The following ALDH1A3 variants were observed in gnomAD, a reference collection of about 807,000 sequenced individuals.
The protein encoded by ALDH1A3 is aldehyde dehydrogenase 1 family member A3, also known as retinaldehyde dehydrogenase 3.
A neutral mutation model predicts 57.5 loss-of-function variants in ALDH1A3; 28 were observed. The observed-to-expected ratio is 0.49, with a 90% CI of 0.36 to 0.67. The LOEUF (loss-of-function observed/expected upper bound fraction) is 0.67, where lower values mean the gene tolerates loss of function less well. Among genes scored for constraint, ALDH1A3 ranks in the 30% least tolerant of loss-of-function variants. ALDH1A3 has a pLI of 0.00. For missense variants in ALDH1A3, 507 were observed against 669.4 expected, an observed-to-expected ratio of 0.76 and a Z score of 2.68; for synonymous variants, 281 against 264.8, an observed-to-expected ratio of 1.06 and a Z score of -0.59.
In ALDH1A3 at chr15:100,895,679, T is replaced by C. The variant is rs1011766767; in HGVS notation, c.667-254T>C. 1.6e-5 allele frequency: 9 copies of C among 546,342 alleles called. No individual in the cohort carries two copies. The Middle Eastern group carries it at 1.5e-3, about 89-fold the overall frequency. 33.8% of individuals were successfully genotyped at this position (546,342 alleles called of 1,614,324 possible). ...ATTTGCACTGCATATCACTTTGGGA[T>C]GGGGTCCCCCCCCAGAAGGAGAAGT... On this transcript the variant is annotated intron_variant, in intron 6 of 12. Coordinates refer to ENST00000329841, the MANE Select transcript of ALDH1A3 (RefSeq NM_000693.4).
In ALDH1A3 at chr15:100,887,530, G is replaced by C. The variant is rs139297912; in HGVS notation, c.205-42G>C. ...AAGATGACACCCAAACTGCAGTCAC[G>C]TCAAAAGATGACAGTCTCTCTCTGT... On this transcript the variant is annotated intron_variant, in intron 2 of 12. Transcript: ENST00000329841. The surrounding 1 kb of genome is among the most constrained non-coding windows in gnomAD (Gnocchi z 4.6). The C allele has an allele frequency of 4.1e-5, 62 of 1,494,336 alleles. No individual in the cohort carries two copies. Among genetic ancestry groups the C allele is most frequent in the Middle Eastern group, 3.7e-4 (2 of 5,462 alleles). The allele number at this position is 1,494,336 out of a possible 1,614,324, so 92.6% of individuals were successfully genotyped here. A position where few individuals can be genotyped will look rare whatever the true frequency, so the allele number is the denominator to read the frequency against.
chr15:100,892,329 C>T (rs2041658582), intron 3 of ALDH1A3, 181 bp from the exon 4 acceptor site: 3 of 777,492 alleles, frequency 3.9e-6, no homozygotes, highest in African/African-American at 1.8e-5. Flanking sequence ...AATCCTCACA[C>T]TCAGAGACAG....
chr15:100,912,312 A>T (rs2041889347), intron 12 of ALDH1A3, among the ~76,000 whole-genome samples: 1 of 152,244 alleles, frequency 6.6e-6, no homozygotes, highest in Admixed American at 6.5e-5. Flanking sequence ...CACCATTTTC[A>T]CACTTATTGG....
chr15:100,900,895 TAGAAACTGATCAGAA>T, intron 9 of ALDH1A3, 136 bp downstream of exon 9: 1 of 973,142 alleles, frequency 1.0e-6, no homozygotes, highest in East Asian at 2.6e-5. Flanking sequence ...TTCTTTTCTT[TAGAAACTGATCAGAA>T]ACACAATCCT....
At chr15:100,886,214 C>G (rs1002160690) in intron 2 of ALDH1A3, among the ~76,000 whole-genome samples, 1 of 152,190 alleles carries the variant, frequency 6.6e-6, no homozygotes, top group African/African-American at 2.4e-5. Context: ...CCTATACAGA[C>G]CCCCCTCTGT....
Position 100,892,907 on chromosome 15 carries a change from G to A in ALDH1A3, c.476-38G>A, listed in dbSNP as rs759235011. On this transcript the variant is annotated intron_variant, in intron 4 of 12. Coordinates refer to ENST00000329841, the MANE Select transcript of ALDH1A3 (RefSeq NM_000693.4). Reference sequence around the variant, plus strand: ...ACTTGAAGTTCCTAACCTGGACTAAGTGAGTGTGTCCTTCCCCACCATGTA... The same window carrying A: ...ACTTGAAGTTCCTAACCTGGACTAAATGAGTGTGTCCTTCCCCACCATGTA... The A allele has an allele frequency of 1.2e-5, 20 of 1,606,670 alleles. No homozygotes were observed. The East Asian group carries it at 4.5e-4, about 36-fold the overall frequency.
intron 9 of ALDH1A3, among the ~76,000 whole-genome samples, chr15:100,902,835 C>T (rs532886087): frequency 6.6e-5 from 10 of 152,322 alleles, no homozygotes; most frequent in South Asian, 6.2e-4. Context: ...TGTAGGTTTT[C>T]CACGGGGACC....
intron 9 of ALDH1A3, among the ~76,000 whole-genome samples, chr15:100,904,759 C>T (rs1281026013): frequency 6.6e-6 from 1 of 152,200 alleles, no homozygotes; most frequent in East Asian, 1.9e-4. Flanking sequence ...TGGCACAGGG[C>T]AAACTCCAGC....
intron 7 of ALDH1A3, among the ~76,000 whole-genome samples, chr15:100,896,917 G>T (rs2041710258): frequency 6.6e-6 from 1 of 152,202 alleles, no homozygotes. Flanking sequence ...AAATTATCTG[G>T]AAGGATTCCC....
chr15:100,907,232 G>C lies in ALDH1A3; in HGVS notation c.1345G>C (p.Asp449His). ...LTAAVFTKNL[D>H]KALKLASALE... Reference sequence around the variant, plus strand: ...AGCAGCCGTGTTCACAAAAAATCTCGACAAAGCCCTGAAGTTGGCTTCTGC... The same window carrying C: ...AGCAGCCGTGTTCACAAAAAATCTCCACAAAGCCCTGAAGTTGGCTTCTGC... Residue 449 changes from aspartate to histidine, a missense_variant, in exon 11 of 13, where the codon GAC becomes CAC. Physicochemically the swap from Asp to His is moderately conservative, Grantham distance 81. Transcript: ENST00000329841. 1.9e-6 allele frequency: 3 copies of C among 1,614,194 alleles called. No individual in the cohort carries two copies. Among genetic ancestry groups the C allele is most frequent in the Non-Finnish European group, 8.5e-7 (1 of 1,180,022 alleles).
At chr15:100,904,617 T>G (rs926643768) in intron 9 of ALDH1A3, among the ~76,000 whole-genome samples, 1 of 152,112 alleles carries the variant, frequency 6.6e-6, no homozygotes, top group Non-Finnish European at 1.5e-5. Context: ...AAGGACAAGA[T>G]TCCCATAGAT....
chr15:100,896,183 T>A (rs1426424679), intron 7 of ALDH1A3, 137 bp downstream of exon 7: 3 of 658,060 alleles, frequency 4.6e-6, no homozygotes, highest in Admixed American at 2.9e-5. Flanking sequence ...AACAACCAGT[T>A]AAAAAAAGTC....
At chr15:100,892,889 G>A in intron 4 of ALDH1A3, 56 bp from the exon 5 acceptor site, 1 of 1,570,636 alleles carries the variant, frequency 6.4e-7, no homozygotes, top group African/African-American at 1.4e-5. Flanking sequence ...ACTACTTGAA[G>A]TTCCTAACCT....
chr15:100,908,584 C>T (rs914763527), intron 12 of ALDH1A3, 102 bp downstream of exon 12: 2 of 1,037,198 alleles, frequency 1.9e-6, no homozygotes, highest in South Asian at 1.4e-5. Flanking sequence ...CCCCGTCCCC[C>T]CCACACCGCC....
chr15:100,909,421 ACT>A (rs2041860532), intron 12 of ALDH1A3, among the ~76,000 whole-genome samples: 1 of 114,258 alleles, frequency 8.8e-6, no homozygotes, highest in South Asian at 2.7e-4. Flanking sequence ...AAACCCCTCC[ACT>A]GTGTGTGCAA....
chr15:100,910,472 ACT>A (rs2041871883), intron 12 of ALDH1A3, among the ~76,000 whole-genome samples: 1 of 152,056 alleles, frequency 6.6e-6, no homozygotes, highest in South Asian at 2.1e-4. Flanking sequence ...CTGAGCACAG[ACT>A]CTGCAGCAGG....
Position 100,887,515 on chromosome 15 carries a change from C to T in ALDH1A3, c.205-57C>T, listed in dbSNP as rs146337233. On this transcript the variant is annotated intron_variant, in intron 2 of 12. Coordinates refer to ENST00000329841, the MANE Select transcript of ALDH1A3 (RefSeq NM_000693.4). This position sits in a 1 kb window ranked among gnomAD's most constrained non-coding sequence, Gnocchi z 4.6. ...CTTCAGTCACGTCAAAAGATGACAC[C>T]CAAACTGCAGTCACGTCAAAAGATG... is the stretch of plus-strand genomic sequence containing the variant. 1,346 of 1,471,552 alleles carry T rather than the reference C, an allele frequency of 9.1e-4. 13 individuals are homozygous for T. In the African/African-American group the frequency reaches 0.013, roughly 14 times the overall value. The allele number at this position is 1,471,552 out of a possible 1,614,324, so 91.2% of individuals were successfully genotyped here.
rs1173253179 is a variant in ALDH1A3, at chr15:100,900,705, C to A, written c.1014C>A (p.Ala338=). The A allele has an allele frequency of 9.3e-6, 15 of 1,613,934 alleles. No individual in the cohort carries two copies. Among genetic ancestry groups the A allele is most frequent in the Non-Finnish European group, 1.3e-5 (15 of 1,180,024 alleles). The part of the protein sequence containing the change: ...SEFVRRSVEY[A]KKRPVGDPFD... ...TTGTCAGGCGGAGCGTGGAGTATGC[C>A]AAGAAACGGCCCGTGGGAGACCCCT... is the stretch of plus-strand genomic sequence containing the variant. Residue 338 remains alanine (A), a synonymous_variant, in exon 9 of 13, where the codon GCC becomes GCA. Transcript: ENST00000329841.
At chr15:100,896,597 G>C (rs1445499431) in intron 7 of ALDH1A3, among the ~76,000 whole-genome samples, 1 of 152,196 alleles carries the variant, frequency 6.6e-6, no homozygotes, top group Non-Finnish European at 1.5e-5. Context: ...AGAATATGGG[G>C]AAGCAGGTGC....
Sources: allele counts gnomAD v4.1 joint callset (sites outside exome capture counted in the v4.1 genomes callset), GRCh38; gene constraint gnomAD v4.1.1; non-coding constraint Gnocchi (gnomAD v3.1); transcripts MANE v1.5; gene names NCBI Gene and HGNC (gene_info 2026-07-23, HGNC 2026-07-21).